CENPP: variants seen among roughly 807,000 people sequenced by gnomAD.
The protein encoded by CENPP is centromere protein P.
A neutral mutation model predicts 35.6 loss-of-function variants in CENPP; 24 were observed. That is an observed-to-expected ratio of 0.67 (90% CI 0.49 to 0.95). The LOEUF (loss-of-function observed/expected upper bound fraction) is 0.95. Ranked by LOEUF, CENPP falls within the 40% of genes least tolerant of loss-of-function variation. The probability of loss-of-function intolerance (pLI) is 0.00; values close to 1 mark genes in which losing one functional copy is unlikely to be tolerated. For synonymous variants in CENPP, 120 were observed against 125.5 expected (o/e 0.96, Z 0.29); for missense variants, 332 against 345.3 (o/e 0.96, Z 0.31).
At chr9:92,391,034 G>T (rs545706384) in intron 5 of CENPP, among the ~76,000 whole-genome samples, 1 of 152,050 alleles carries the variant, frequency 6.6e-6, no homozygotes, top group Non-Finnish European at 1.5e-5. Context: ...GGAGGCCAAG[G>T]TGGGCAGATC....
At chr9:92,571,757 G>T (rs935278913) in intron 5 of CENPP, among the ~76,000 whole-genome samples, 1 of 152,064 alleles carries the variant, frequency 6.6e-6, no homozygotes, top group African/African-American at 2.4e-5. Context: ...TATGAATCTG[G>T]GTGCTCCTGT....
intron 5 of CENPP, among the ~76,000 whole-genome samples, chr9:92,536,820 C>T (rs72754445): frequency 0.04 from 6,045 of 151,920 alleles, 185 homozygotes; most frequent in South Asian, 0.098. Context: ...TATGAAGGTC[C>T]TAACTCAGTG....
chr9:92,458,045 T>G (rs1170912824), intron 5 of CENPP, among the ~76,000 whole-genome samples: 2 of 152,222 alleles, frequency 1.3e-5, no homozygotes. Context: ...TAAGTTGTTT[T>G]GTAGAAAGAT....
chr9:92,427,146 T>G (rs1309527894), intron 5 of CENPP, among the ~76,000 whole-genome samples: 4 of 152,208 alleles, frequency 2.6e-5, no homozygotes, highest in African/African-American at 4.8e-5. Flanking sequence ...AAAACTGCTC[T>G]AAAAAATAAA....
intron 5 of CENPP, chr9:92,416,601 CA>C: frequency 2.1e-6 from 3 of 1,398,212 alleles, no homozygotes. Context: ...CTTCAAAACA[CA>C]ATAAAAGTCT....
chr9:92,559,498 T>A (rs1006236816), intron 5 of CENPP, among the ~76,000 whole-genome samples: 1 of 152,102 alleles, frequency 6.6e-6, no homozygotes, highest in African/African-American at 2.4e-5. Flanking sequence ...GCAGGAGCAG[T>A]CCATTTCCCT....
At chr9:92,462,782 G>GT (rs1845164126) in intron 5 of CENPP, among the ~76,000 whole-genome samples, 1 of 152,176 alleles carries the variant, frequency 6.6e-6, no homozygotes. Context: ...GAATGATTAT[G>GT]TGGACCCTCC....
At position 92,611,392 on chromosome 9, in the gene CENPP, G is replaced by T; in HGVS notation, c.643G>T (p.Gly215Trp). The T allele has an allele frequency of 6.2e-7, 1 of 1,612,168 alleles. No homozygotes were observed. Among genetic ancestry groups the T allele is most frequent in the Non-Finnish European group, 8.5e-7 (1 of 1,179,678 alleles). The change falls in exon 6 of 8, where the codon GGG becomes TGG. Residue 215 changes from glycine (G) to tryptophan (W), a missense_variant and splice_region_variant. By Grantham distance (184) the Gly-to-Trp change is radical. Transcript: ENST00000375587. ...SMGIRSASRP[G>W]FELVIVWRIQ... ...GGGGATCCGCAGCGCCAGCCGGCCA[G>T]GGTGAGCCTGCACAGGCCATGGGGC... is the stretch of plus-strand genomic sequence containing the variant.
In CENPP at chr9:92,620,154, A is replaced by G. The variant is rs1851582396; in HGVS notation, c.*7005A>G. 6.3e-6 allele frequency: 1 copy of G among 157,610 alleles called. No homozygotes were observed. Among genetic ancestry groups the G allele is most frequent in the Non-Finnish European group, 1.4e-5 (1 of 70,776 alleles). 9.8% of individuals were successfully genotyped at this position (157,610 alleles called of 1,614,324 possible). On this transcript the variant is annotated 3_prime_UTR_variant, in exon 8 of 8. Transcript: ENST00000375587. ...CCCACTTTACAGACAAGCAACAGACACAGACATCACTTGTCTGTCATGCCC... is the reference window on the plus strand; with the variant it reads ...CCCACTTTACAGACAAGCAACAGACGCAGACATCACTTGTCTGTCATGCCC...
intron 5 of CENPP, chr9:92,495,986 A>G (rs1004940780): frequency 2.5e-5 from 25 of 993,612 alleles, no homozygotes; most frequent in Non-Finnish European, 8.4e-6. Context: ...CTCAGCTAAC[A>G]CCAGTATTCA....
At chr9:92,349,584 A>G (rs1217898324) in intron 4 of CENPP, among the ~76,000 whole-genome samples, 1 of 151,796 alleles carries the variant, frequency 6.6e-6, no homozygotes, top group African/African-American at 2.4e-5. Flanking sequence ...TTGTATTTTT[A>G]GGAGAGATGT....
rs1196909454 is a variant in CENPP at position 92,613,463 on chromosome 9, C to T, written c.*314C>T. 6.5e-6 allele frequency: 2 copies of T among 309,734 alleles called. No individual in the cohort carries two copies. Among genetic ancestry groups the T allele is most frequent in the African/African-American group, 4.3e-5 (2 of 46,466 alleles). The allele number at this position is 309,734 out of a possible 1,614,324, so 19.2% of individuals were successfully genotyped here. On this transcript the variant is annotated 3_prime_UTR_variant, in exon 8 of 8. Transcript: ENST00000375587. Reference sequence around the variant, plus strand: ...CCATCCCCCACCCACTGCAGCCTCACACCGAGTCCACCTTGGACATGGTGG... The same window carrying T: ...CCATCCCCCACCCACTGCAGCCTCATACCGAGTCCACCTTGGACATGGTGG...
At position 92,370,642 on chromosome 9, in the gene CENPP, G is replaced by A. The variant is rs958765598; in HGVS notation, c.468-9121G>A. Reference sequence around the variant, plus strand: ...AACACAGTGGCGCATCACCATTCCCGGCTAATTTTTGTATTTTTTTGTAGA... The same window carrying A: ...AACACAGTGGCGCATCACCATTCCCAGCTAATTTTTGTATTTTTTTGTAGA... On this transcript the variant is annotated intron_variant, in intron 4 of 7. Coordinates refer to ENST00000375587, the MANE Select transcript of CENPP (RefSeq NM_001012267.3). Among the ~76,000 whole-genome samples, 17 of 151,840 alleles carry A rather than the reference G, an allele frequency of 1.1e-4. 1 individual carries two copies. The highest frequency in any genetic ancestry group is 4.8e-5 in the African/African-American group (2 of 41,316).
chr9:92,564,938 G>A (rs1454674920), intron 5 of CENPP, among the ~76,000 whole-genome samples: 1 of 152,150 alleles, frequency 6.6e-6, no homozygotes, highest in Non-Finnish European at 1.5e-5. Context: ...GAAAATGTTT[G>A]TAGAAATGTA....
intron 5 of CENPP, among the ~76,000 whole-genome samples, chr9:92,604,409 T>C: frequency 6.6e-6 from 1 of 152,170 alleles, no homozygotes; most frequent in East Asian, 1.9e-4. Context: ...TTTTACTGAG[T>C]TGTGTCCTTC....
At chr9:92,533,303 CAAAAAAAAAAAAAAAA>C (rs1174584000) in intron 5 of CENPP, among the ~76,000 whole-genome samples, 9 of 29,884 alleles carry the variant, frequency 3.0e-4, no homozygotes, top group African/African-American at 1.2e-3. Flanking sequence ...CGGTCTCAAA[CAAAAAAAAAAAAAAAA>C]AAAAAAAAAA....
chr9:92,415,874 T>A (rs1159025130), intron 5 of CENPP, among the ~76,000 whole-genome samples: 2 of 146,328 alleles, frequency 1.4e-5, no homozygotes, highest in Non-Finnish European at 3.0e-5. Context: ...ATTATATATT[T>A]CTTCTTTTTT....
chr9:92,342,671 T>C (rs1445370787), intron 3 of CENPP, among the ~76,000 whole-genome samples: 2 of 152,206 alleles, frequency 1.3e-5, no homozygotes, highest in Non-Finnish European at 2.9e-5. Context: ...TTGGAATCAG[T>C]TGTGTGAGAG....
intron 5 of CENPP, among the ~76,000 whole-genome samples, chr9:92,550,697 A>G (rs1001614449): frequency 6.6e-6 from 1 of 152,302 alleles, no homozygotes; most frequent in African/African-American, 2.4e-5. Flanking sequence ...ATGATATTCT[A>G]AATGTGTAAA....
Sources: gnomAD v4.1 joint callset for allele counts (sites outside exome capture counted in the v4.1 genomes callset) on GRCh38, gnomAD v4.1.1 for gene constraint, MANE v1.5 for transcripts, NCBI Gene and HGNC (gene_info 2026-07-23, HGNC 2026-07-21) for gene names.